Variants in C5 observed in about 807,000 individuals in gnomAD.
C5 encodes the protein complement C5.
In C5, 140 loss-of-function variants were observed where a neutral mutation model predicts 218.8. The ratio of observed to expected loss-of-function variants is 0.64; its 90% CI spans 0.56 to 0.74. C5 has a LOEUF of 0.74. Ranked by LOEUF, C5 falls within the 30% of genes least tolerant of loss-of-function variation. The pLI is 0.00. For synonymous variants in C5, 614 were observed against 682.3 expected (o/e 0.90, Z 1.56); for missense variants, 1,700 against 1,969.6 (o/e 0.86, Z 2.59).
chr9:121,010,289 G>A (rs1434057044), intron 17 of C5, among the ~76,000 whole-genome samples: 1 of 152,200 alleles, frequency 6.6e-6, no homozygotes, highest in Non-Finnish European at 1.5e-5. Flanking sequence ...CAATAAAGTT[G>A]CAGGATATAA....
chr9:120,984,219 T>C (rs1054528527), intron 25 of C5, among the ~76,000 whole-genome samples: 8 of 151,944 alleles, frequency 5.3e-5, no homozygotes, highest in African/African-American at 1.2e-4. Context: ...TTTTTTTTGA[T>C]ATTAATCGGA....
At chr9:121,010,077 T>C (rs1162351284) in intron 17 of C5, among the ~76,000 whole-genome samples, 1 of 152,240 alleles carries the variant, frequency 6.6e-6, no homozygotes, top group South Asian at 2.1e-4. Flanking sequence ...AGGGGCAGTC[T>C]AGGCCACAAG....
At chr9:121,019,140 TA>T (rs41309846) in intron 12 of C5, among the ~76,000 whole-genome samples, 187 of 147,114 alleles carry the variant, frequency 1.3e-3, no homozygotes, top group Admixed American at 4.4e-3. Context: ...GGTTTAAGAT[TA>T]AAAAAAAAAA....
At chr9:121,065,538 C>T in the C5 span, among the ~76,000 whole-genome samples, 1 of 152,196 alleles carries the variant, frequency 6.6e-6, no homozygotes, top group Non-Finnish European at 1.5e-5. Flanking sequence ...CAGCTCATTG[C>T]AGCCTCAAAC....
the C5 span, among the ~76,000 whole-genome samples, chr9:121,066,052 C>T: frequency 6.6e-6 from 1 of 152,026 alleles, no homozygotes; most frequent in Non-Finnish European, 1.5e-5. Context: ...CGGTGTCTCA[C>T]GCCTGTAATC....
chr9:121,043,018 G>A lies in C5; in HGVS notation c.407C>T (p.Thr136Ile). 1.2e-6 allele frequency: 2 copies of A among 1,612,106 alleles called. No homozygotes were observed. The highest frequency in any genetic ancestry group is 1.7e-6 in the Non-Finnish European group (2 of 1,178,446). ...LFIHTDKPVY[T>I]PDQSVKVRVY... is the part of the protein sequence containing the mutation. Reference sequence around the variant, plus strand: ...TTATAATCTACCTGACTGGTCTGGAGTATAAACAGGTTTGTCTGTATGAAT... The same window carrying A: ...TTATAATCTACCTGACTGGTCTGGAATATAAACAGGTTTGTCTGTATGAAT... The change falls in exon 3 of 41, where the codon ACT (threonine) becomes ATT (isoleucine). Residue 136 changes from threonine (T) to isoleucine (I), a missense_variant. Transcript: ENST00000223642.
chr9:121,007,306 A>G (rs2047224062), intron 18 of C5, among the ~76,000 whole-genome samples: 1 of 152,340 alleles, frequency 6.6e-6, no homozygotes, highest in Non-Finnish European at 1.5e-5. Flanking sequence ...AAAGTGATGC[A>G]TGTTAGCACT....
In C5 at chr9:121,046,188, T is replaced by C. The variant is rs755696349; in HGVS notation, c.258+3A>G. ...ATAAAGAAAATAAAGGATAAATACA[T>C]ACTGTTAAGATTGCAGAGTTTTGGA... is the stretch of plus-strand genomic sequence containing the variant. On this transcript the variant is annotated splice_donor_region_variant and intron_variant, in intron 2 of 40. Transcript: ENST00000223642. The C allele has an allele frequency of 1.3e-6, 2 of 1,492,484 alleles. No individual in the cohort carries two copies. The highest frequency in any genetic ancestry group is 1.9e-6 in the Non-Finnish European group (2 of 1,074,274). The allele number at this position is 1,492,484 out of a possible 1,614,324, so 92.5% of individuals were successfully genotyped here.
At chr9:120,994,079 T>A (rs1425440279) in intron 22 of C5, among the ~76,000 whole-genome samples, 2 of 152,150 alleles carry the variant, frequency 1.3e-5, no homozygotes, top group Non-Finnish European at 2.9e-5. Context: ...CTAGAGCTAG[T>A]CTTAAGCATT....
intron 8 of C5, among the ~76,000 whole-genome samples, chr9:121,026,204 T>C (rs1437038775): frequency 6.6e-6 from 1 of 152,206 alleles, no homozygotes; most frequent in Non-Finnish European, 1.5e-5. Flanking sequence ...GGATAAATGA[T>C]TGATGATGCA....
At chr9:120,966,051 T>G (rs1200018436) in intron 33 of C5, among the ~76,000 whole-genome samples, 1 of 152,194 alleles carries the variant, frequency 6.6e-6, no homozygotes, top group Admixed American at 6.5e-5. Flanking sequence ...AGAAACTTCA[T>G]GCTGGCATTT....
chr9:120,969,216 C>A, intron 32 of C5, 98 bp from the exon 33 acceptor site: 2 of 927,874 alleles, frequency 2.2e-6, no homozygotes, highest in Non-Finnish European at 3.6e-6. Flanking sequence ...ATGAGCAAAT[C>A]TTTGAACACA....
chr9:121,031,978 G>A (rs769776710), intron 6 of C5, 135 bp downstream of exon 6: 1 of 559,690 alleles, frequency 1.8e-6, no homozygotes, highest in Non-Finnish European at 3.3e-6. Context: ...GCAGAGAATT[G>A]CTTGAACCCA....
At chr9:121,067,447 C>T in the C5 span, among the ~76,000 whole-genome samples, 4 of 151,510 alleles carry the variant, frequency 2.6e-5, no homozygotes, top group Non-Finnish European at 5.9e-5. Flanking sequence ...GCCCATAGTC[C>T]CAGCTACTTG....
chr9:121,001,535 T>A (rs1159144196), intron 20 of C5, among the ~76,000 whole-genome samples: 1 of 152,228 alleles, frequency 6.6e-6, no homozygotes, highest in African/African-American at 2.4e-5. Context: ...TTCATGTTTT[T>A]AAATATTATG....
chr9:121,014,219 T>C, intron 16 of C5, 149 bp from the exon 17 acceptor site: 1 of 726,628 alleles, frequency 1.4e-6, no homozygotes, highest in Non-Finnish European at 2.4e-6. Context: ...AGACTCCCCT[T>C]GGAACTATTC....
intron 28 of C5, among the ~76,000 whole-genome samples, chr9:120,977,161 A>G (rs953354857): frequency 1.1e-4 from 16 of 152,198 alleles, no homozygotes; most frequent in African/African-American, 3.9e-4. Context: ...GAGCTCTGAC[A>G]TGATGCCACA....
the C5 span, among the ~76,000 whole-genome samples, chr9:121,067,566 TAAAAA>T: frequency 1.6e-5 from 2 of 121,598 alleles, no homozygotes; most frequent in Admixed American, 8.5e-5. Context: ...AGGCTCCATC[TAAAAA>T]AAAAAAAAAA....
chr9:121,013,204 C>T (rs1193932763), intron 17 of C5, among the ~76,000 whole-genome samples: 1 of 151,366 alleles, frequency 6.6e-6, no homozygotes, highest in African/African-American at 2.4e-5. Flanking sequence ...CCTTTAATCC[C>T]AGTTACTCAG....
Sources: gnomAD v4.1 joint callset for allele counts (sites outside exome capture counted in the v4.1 genomes callset) on GRCh38, gnomAD v4.1.1 for gene constraint, MANE v1.5 for transcripts, NCBI Gene and HGNC (gene_info 2026-07-23, HGNC 2026-07-21) for gene names.